The following SLC25A23 variants were observed in gnomAD, a reference collection of about 807,000 sequenced individuals.
The protein encoded by SLC25A23 is mitochondrial adenyl nucleotide antiporter SLC25A23.
A neutral mutation model predicts 53.9 loss-of-function variants in SLC25A23; 32 were observed. That is an observed-to-expected ratio of 0.59 (90% CI 0.45 to 0.80). The LOEUF (loss-of-function observed/expected upper bound fraction) is 0.80, where lower values mean the gene tolerates loss of function less well. Among genes scored for constraint, SLC25A23 ranks in the 30% least tolerant of loss-of-function variants. The probability of loss-of-function intolerance (pLI) is 0.00; values close to 1 mark genes in which losing one functional copy is unlikely to be tolerated. For missense variants in SLC25A23, 575 were observed against 651.4 expected (o/e 0.88, Z 1.28); for synonymous variants, 275 against 264.5 (o/e 1.04, Z -0.38).
At chr19:6,443,895 C>T (rs1234268276) in intron 9 of SLC25A23, among the ~76,000 whole-genome samples, 1 of 152,194 alleles carries the variant, frequency 6.6e-6, no homozygotes, top group Non-Finnish European at 1.5e-5. Flanking sequence ...CCTGGAAATG[C>T]TAGACATTTG....
chr19:6,451,821 T>C (rs1252164018), intron 8 of SLC25A23, among the ~76,000 whole-genome samples: 1 of 148,576 alleles, frequency 6.7e-6, no homozygotes, highest in Admixed American at 6.6e-5. Flanking sequence ...GAGACTCATC[T>C]TTGCCTGCCT....
At chr19:6,443,535 C>G (rs1411212120) in intron 9 of SLC25A23, 1 of 698,660 alleles carries the variant, frequency 1.4e-6, no homozygotes, top group East Asian at 2.7e-5. Flanking sequence ...GCCTCCTTCT[C>G]CCCTTTATAC....
chr19:6,441,898 A>G lies in SLC25A23; in HGVS notation c.*77T>C. The G allele has an allele frequency of 7.1e-7, 1 of 1,399,044 alleles. No homozygotes were observed. The highest frequency in any genetic ancestry group is 1.0e-6 in the Non-Finnish European group (1 of 1,003,150). The allele number at this position is 1,399,044 out of a possible 1,614,324, so 86.7% of individuals were successfully genotyped here. On this transcript the variant is annotated 3_prime_UTR_variant, in exon 10 of 10. Transcript: ENST00000301454. The stretch of plus-strand genomic sequence containing the variant: ...GGGATCTCGTGGCCAAAGAGTAGGG[A>G]TCCTGTGGTTGGATCATCAGTCTCC...
At chr19:6,442,954 T>TTTTTTTTTA (rs2092445103) in intron 9 of SLC25A23, among the ~76,000 whole-genome samples, 4 of 141,410 alleles carry the variant, frequency 2.8e-5, no homozygotes, top group Non-Finnish European at 4.5e-5. Flanking sequence ...TTTTTTTTTT[T>TTTTTTTTTA]GAGACAGAGT....
At chr19:6,438,981 C>T (rs2092373130), downstream of SLC25A23, among the ~76,000 whole-genome samples, 1 of 152,158 alleles carries the variant, frequency 6.6e-6, no homozygotes, top group Non-Finnish European at 1.5e-5. Context: ...GCAGAGGTGG[C>T]AGTGAGCCGA....
chr19:6,436,129 A>AC (rs1033622092), downstream of SLC25A23: 85 of 213,958 alleles, frequency 4.0e-4, 1 homozygote, highest in African/African-American at 1.0e-3. Context: ...GTGACGAATT[A>AC]CCCCCCCGCC....
chr19:6,451,593 T>G (rs1221058154), intron 8 of SLC25A23, among the ~76,000 whole-genome samples: 1 of 151,932 alleles, frequency 6.6e-6, no homozygotes, highest in Non-Finnish European at 1.5e-5. Context: ...GACCTGGTGA[T>G]CCCACTAGAA....
In SLC25A23 at chr19:6,452,329, C is replaced by T. The variant is rs2144966810; in HGVS notation, c.1054G>A (p.Asp352Asn). 4 of 1,612,688 alleles carry T rather than the reference C, an allele frequency of 2.5e-6. No homozygotes were observed. Among genetic ancestry groups the T allele is most frequent in the Non-Finnish European group, 3.4e-6 (4 of 1,179,376 alleles). The change falls in exon 8 of 10, where the codon GAC becomes AAC. Residue 352 changes from aspartate to asparagine, a missense_variant. Coordinates refer to ENST00000301454, the MANE Select transcript of SLC25A23 (RefSeq NM_024103.3). ...VLGIIPYAGI[D>N]LAVYETLKNW... is the part of the protein sequence containing the mutation. The stretch of plus-strand genomic sequence containing the variant: ...CCACAGACCTCGTAGACGGCCAGGT[C>T]GATGCCCGCATAGGGGATGATGCCC...
chr19:6,436,559 T>C (rs2092320953), downstream of SLC25A23: 13 of 416,020 alleles, frequency 3.1e-5, 1 homozygote, highest in South Asian at 2.2e-4. Context: ...CTTTTTTTTT[T>C]TTTCTTTGAG....
rs1333007711 is a variant in SLC25A23, at chr19:6,453,849, T to TGATGAGCTATACTCC, written c.903+117_903+131dup. On this transcript the variant is annotated intron_variant, in intron 7 of 9. Transcript: ENST00000301454. ...GGCTACACATGAAATTGCATTACTC[T>TGATGAGCTATACTCC]GATGAGCTATACTCCAAATCAGAGA... 2.1e-4 allele frequency: 144 copies of TGATGAGCTATACTCC among 673,254 alleles called. 1 individual carries two copies. The highest frequency in any genetic ancestry group is 3.6e-4 in the South Asian group (17 of 47,290). The allele number at this position is 673,254 out of a possible 1,614,324, so 41.7% of individuals were successfully genotyped here.
At chr19:6,446,083 T>C (rs2092500060) in intron 8 of SLC25A23, among the ~76,000 whole-genome samples, 1 of 135,798 alleles carries the variant, frequency 7.4e-6, no homozygotes, top group African/African-American at 3.4e-5. Context: ...AGAAAAAAGG[T>C]CGGGCCTGGC....
At chr19:6,444,507 T>G (rs933881397) in intron 8 of SLC25A23, among the ~76,000 whole-genome samples, 3 of 152,162 alleles carry the variant, frequency 2.0e-5, no homozygotes, top group Non-Finnish European at 4.4e-5. Context: ...AAGGGTCCCC[T>G]GTACTGACTA....
chr19:6,453,389 A>G (rs1046202183), intron 7 of SLC25A23, among the ~76,000 whole-genome samples: 1 of 151,716 alleles, frequency 6.6e-6, no homozygotes, highest in Non-Finnish European at 1.5e-5. Flanking sequence ...ACAGGTGCCC[A>G]CCACCATCCC....
At position 6,454,449 on chromosome 19, in the gene SLC25A23, C is replaced by T; in HGVS notation, c.669G>A (p.Leu223=). ...MQVHASKTNR[L]NILGGLRSMV... ...TGCTTCGAAGCCCCCCAAGGATGTTCAGCCGGTTGGTCTTTGAGGCATGGA... is the reference window on the plus strand; with the variant it reads ...TGCTTCGAAGCCCCCCAAGGATGTTTAGCCGGTTGGTCTTTGAGGCATGGA... Residue 223 remains leucine, a synonymous_variant, in exon 6 of 10, where the codon CTG becomes CTA. Transcript: ENST00000301454. The surrounding 1 kb of genome is among the most constrained non-coding windows in gnomAD (Gnocchi z 4.3). 1.2e-6 allele frequency: 2 copies of T among 1,614,164 alleles called. No homozygotes were observed. The highest frequency in any genetic ancestry group is 1.7e-6 in the Non-Finnish European group (2 of 1,180,030).
chr19:6,439,476 T>G (rs193234), downstream of SLC25A23, among the ~76,000 whole-genome samples: 3,183 of 151,418 alleles, frequency 0.021, 46 homozygotes, highest in South Asian at 0.038. Flanking sequence ...TGTGATAATT[T>G]GGTCTGGCAG....
intron 9 of SLC25A23, chr19:6,443,750 C>G: frequency 6.9e-6 from 4 of 582,014 alleles, no homozygotes; most frequent in South Asian, 1.8e-5. Flanking sequence ...GTGGAGGGGA[C>G]GGGGGGAAAT....
At position 6,457,528 on chromosome 19, in the gene SLC25A23, C is replaced by G. The variant is rs369912230; in HGVS notation, c.346G>C (p.Glu116Gln). The G allele has an allele frequency of 9.9e-6, 16 of 1,613,938 alleles. No individual in the cohort carries two copies. Among genetic ancestry groups the G allele is most frequent in the Non-Finnish European group, 1.2e-5 (14 of 1,180,010 alleles). ...FRALGISISL[E>Q]QAEKILHSMD... ...CTGTGCAAAATTTTCTCAGCCTGCT[C>G]CAGCGAGATGGAAATGCCCAGAGCT... The change falls in exon 3 of 10, where the codon GAG becomes CAG. Residue 116 changes from glutamate to glutamine, a missense_variant. By Grantham distance (29) the Glu-to-Gln change is conservative. Coordinates refer to ENST00000301454, the MANE Select transcript of SLC25A23 (RefSeq NM_024103.3).
intron 4 of SLC25A23, chr19:6,456,161 C>T: frequency 2.2e-6 from 3 of 1,390,412 alleles, no homozygotes; most frequent in Middle Eastern, 1.9e-4. Flanking sequence ...TACCCGCAAC[C>T]CCCACACGCT....
In SLC25A23 at chr19:6,452,352, C is replaced by T. The variant is rs2092604618; in HGVS notation, c.1031G>A (p.Gly344Asp). 1 of 1,613,408 alleles carries T rather than the reference C, an allele frequency of 6.2e-7. No homozygotes were observed. Among genetic ancestry groups the T allele is most frequent in the Non-Finnish European group, 8.5e-7 (1 of 1,179,812 alleles). ...FYRGYLPNVL[G>D]IIPYAGIDLA... Reference sequence around the variant, plus strand: ...GTCGATGCCCGCATAGGGGATGATGCCCAGCACGTTGGGGAGGTAGCCGCG... The same window carrying T: ...GTCGATGCCCGCATAGGGGATGATGTCCAGCACGTTGGGGAGGTAGCCGCG... The change falls in exon 8 of 10, where the codon GGC (glycine) becomes GAC (aspartate). Residue 344 changes from glycine (G) to aspartate (D), a missense_variant. Transcript: ENST00000301454.
Sources: allele counts gnomAD v4.1 joint callset (sites outside exome capture counted in the v4.1 genomes callset), GRCh38; gene constraint gnomAD v4.1.1; non-coding constraint Gnocchi (gnomAD v3.1); transcripts MANE v1.5; gene names NCBI Gene and HGNC (gene_info 2026-07-23, HGNC 2026-07-21).